Variants in NUP188 observed in about 807,000 individuals in gnomAD.
NUP188 encodes nucleoporin 188.
In NUP188, 97 loss-of-function variants were observed where a neutral mutation model predicts 223.0. That is an observed-to-expected ratio of 0.43 (90% CI 0.37 to 0.51). The LOEUF (loss-of-function observed/expected upper bound fraction) is 0.51, where lower values mean the gene tolerates loss of function less well. Ranked by LOEUF, NUP188 falls within the 20% of genes least tolerant of loss-of-function variation. The pLI is 0.00. For missense variants in NUP188, 1,947 were observed against 2,175.6 expected, an observed-to-expected ratio of 0.89 and a Z score of 2.09; for synonymous variants, 869 against 828.0, an observed-to-expected ratio of 1.05 and a Z score of -0.85.
intron 2 of NUP188, among the ~76,000 whole-genome samples, chr9:128,950,953 TA>T (rs1184196802): frequency 6.6e-6 from 1 of 152,186 alleles, no homozygotes; most frequent in Non-Finnish European, 1.5e-5. Flanking sequence ...TATGAAAAGA[TA>T]CCTGTGTTCA....
chr9:129,005,929 C>G, intron 41 of NUP188, 121 bp from the exon 42 acceptor site: 1 of 1,413,490 alleles, frequency 7.1e-7, no homozygotes, highest in South Asian at 1.2e-5. Flanking sequence ...CTGAGAATTA[C>G]TGTGAGGATT....
In NUP188 at chr9:128,973,166, A is replaced by G. The variant is rs1421530470; in HGVS notation, c.1120A>G (p.Thr374Ala). ...SLASGGNDCT[T>A]STACMCVYGL... ...GACTCCTTTGTCATTCCAGTGCACC[A>G]CCAGCACTGCATGCATGTGTGTCTA... Residue 374 changes from threonine to alanine, a missense_variant, in exon 12 of 44, where the codon ACC becomes GCC. Around this residue, in one of 3 missense-constraint regions of NUP188, gnomAD observed 817 missense variants for 865.8 expected, o/e 0.94. Coordinates refer to ENST00000372577, the MANE Select transcript of NUP188 (RefSeq NM_015354.3). 1 of 1,610,536 alleles carries G rather than the reference A, an allele frequency of 6.2e-7. No homozygotes were observed. The highest frequency in any genetic ancestry group is 1.7e-5 in the Admixed American group (1 of 59,910).
rs61749217 is a variant in NUP188, at chr9:128,982,973, T to C, written c.1741T>C (p.Ser581Pro). ...CCATAAGGTCATCAGTACAGACCTG[T>C]CGATAGCAGACTGTCTCCTGCCCAT... is the stretch of plus-strand genomic sequence containing the variant. ...LVHKVISTDL[S>P]IADCLLPITS... Residue 581 changes from serine to proline, a missense_variant, in exon 17 of 44, where the codon TCG (serine) becomes CCG (proline). Around this residue, in one of 3 missense-constraint regions of NUP188, gnomAD observed 817 missense variants for 865.8 expected, o/e 0.94. Transcript: ENST00000372577. 847 of 1,614,158 alleles carry C rather than the reference T, an allele frequency of 5.2e-4. 1 individual carries two copies. Among genetic ancestry groups the C allele is most frequent in the Admixed American group, 1.0e-3 (63 of 60,018 alleles).
intron 34 of NUP188, among the ~76,000 whole-genome samples, chr9:129,000,341 A>T (rs147726237): frequency 2.4e-4 from 37 of 152,268 alleles, no homozygotes; most frequent in African/African-American, 7.7e-4. Context: ...TTTTGTTACA[A>T]CCAGTCTCGC....
intron 31 of NUP188, 45 bp from the exon 32 acceptor site, chr9:128,998,493 C>T (rs749456694): frequency 7.2e-6 from 11 of 1,532,482 alleles, no homozygotes; most frequent in South Asian, 4.5e-5. Flanking sequence ...GGATGGCATG[C>T]GAATCTTTCC....
chr9:128,986,928 CT>C, intron 22 of NUP188, 53 bp downstream of exon 22: 1 of 1,529,748 alleles, frequency 6.5e-7, no homozygotes, highest in Non-Finnish European at 9.0e-7. Flanking sequence ...AAGACACGGG[CT>C]TTTGCTGTGC....
intron 8 of NUP188, among the ~76,000 whole-genome samples, chr9:128,962,406 G>A (rs554993863): frequency 2.6e-5 from 4 of 151,938 alleles, no homozygotes; most frequent in South Asian, 2.1e-4. Flanking sequence ...CCACCACCAC[G>A]CCCAATTAAT....
Position 128,976,069 on chromosome 9 carries a change from T to C in NUP188, c.1203+2820T>C, listed in dbSNP as rs187314366. Among the ~76,000 whole-genome samples, 29 of 152,282 alleles carry C rather than the reference T, an allele frequency of 1.9e-4. No individual in the cohort carries two copies. The East Asian group carries it at 4.8e-3, about 25-fold the overall frequency. On this transcript the variant is annotated intron_variant, in intron 12 of 43. Transcript: ENST00000372577. Reference sequence around the variant, plus strand: ...AACTACTGACCTCAAGTGATCTGCCTGCCTTGGCCTGTCAGAGTGCTTGGG... The same window carrying C: ...AACTACTGACCTCAAGTGATCTGCCCGCCTTGGCCTGTCAGAGTGCTTGGG...
At chr9:128,994,080 G>T (rs1842475637) in intron 27 of NUP188, among the ~76,000 whole-genome samples, 1 of 152,178 alleles carries the variant, frequency 6.6e-6, no homozygotes, top group African/African-American at 2.4e-5. Context: ...TTGGGAGTCT[G>T]CTGTCTTATT....
chr9:128,998,658 A>C, intron 32 of NUP188, 35 bp downstream of exon 32: 1 of 1,556,800 alleles, frequency 6.4e-7, no homozygotes, highest in Non-Finnish European at 8.9e-7. Context: ...GCCCGAGGCC[A>C]GAGCCTTCTT....
chr9:128,994,239 C>T, intron 27 of NUP188, 134 bp from the exon 28 acceptor site: 1 of 672,646 alleles, frequency 1.5e-6, no homozygotes, highest in Non-Finnish European at 2.7e-6. Context: ...TATACGGGAA[C>T]AACTGACTTA....
intron 24 of NUP188, among the ~76,000 whole-genome samples, chr9:128,988,718 A>ATTT (rs1842372664): frequency 1.1e-5 from 1 of 91,340 alleles, no homozygotes; most frequent in African/African-American, 3.7e-5. Flanking sequence ...TTAATTTTTT[A>ATTT]ATTTTTTTTT....
intron 19 of NUP188, 29 bp from the exon 20 acceptor site, chr9:128,984,871 A>G: frequency 6.8e-7 from 1 of 1,475,238 alleles, no homozygotes; most frequent in Non-Finnish European, 9.4e-7. Flanking sequence ...TTTCCCTATC[A>G]TTTTTTTTCC....
chr9:128,980,814 T>C (rs765820277), intron 14 of NUP188, 89 bp downstream of exon 14: 1,075 of 1,353,590 alleles, frequency 7.9e-4, no homozygotes, highest in Non-Finnish European at 8.0e-4. Context: ...ACATTGCAGT[T>C]CTACTGCCAT....
intron 8 of NUP188, among the ~76,000 whole-genome samples, chr9:128,968,073 A>G (rs1223855098): frequency 1.3e-5 from 2 of 152,226 alleles, no homozygotes; most frequent in African/African-American, 4.8e-5. Context: ...CCTGTGCAAC[A>G]TAGCAAGACC....
intron 28 of NUP188, 73 bp downstream of exon 28, chr9:128,994,515 C>T: frequency 9.9e-7 from 1 of 1,010,842 alleles, no homozygotes; most frequent in Middle Eastern, 2.8e-4. Flanking sequence ...TGAGATGGGG[C>T]CGTAGACAAT....
chr9:129,006,320 GCACCCC>G lies in NUP188; in HGVS notation c.5027_5032del (p.His1676_Pro1677del). ...TGCGGTACCTTAGGGACCCGGCTGT[GCACCCC>G]CGGGACAAACAGCGGATGAAGCAGG... On this transcript the variant is annotated inframe_deletion, in exon 43 of 44. Transcript: ENST00000372577. The G allele has an allele frequency of 6.2e-7, 1 of 1,614,188 alleles. No homozygotes were observed. The highest frequency in any genetic ancestry group is 8.5e-7 in the Non-Finnish European group (1 of 1,180,034).
intron 3 of NUP188, 140 bp from the exon 4 acceptor site, chr9:128,956,210 T>TGCGC (rs144622509): frequency 8.6e-5 from 38 of 440,820 alleles, no homozygotes; most frequent in Admixed American, 1.3e-4. Context: ...TGTGTGTGTG[T>TGCGC]GCGTGTGTGT....
In NUP188 at chr9:128,980,595, T is replaced by A. The variant is rs368597461; in HGVS notation, c.1270-11T>A. 4 of 1,607,598 alleles carry A rather than the reference T, an allele frequency of 2.5e-6. No homozygotes were observed. The African/African-American group carries it at 5.4e-5, about 22-fold the overall frequency. On this transcript the variant is annotated splice_polypyrimidine_tract_variant and intron_variant, in intron 13 of 43. Coordinates refer to ENST00000372577, the MANE Select transcript of NUP188 (RefSeq NM_015354.3). The stretch of plus-strand genomic sequence containing the variant: ...ATGTGAAGATCAGTGATTTGTCCCC[T>A]TCCACCACAGGAGCCAACTTCTGGC...
Sources: allele counts gnomAD v4.1 joint callset (sites outside exome capture counted in the v4.1 genomes callset), GRCh38; gene constraint gnomAD v4.1.1; regional missense constraint gnomAD v4.1.1; transcripts MANE v1.5; gene names NCBI Gene and HGNC (gene_info 2026-07-23, HGNC 2026-07-21).